PPP1R9A: variants seen among roughly 807,000 people sequenced by gnomAD.
PPP1R9A encodes the protein neurabin-1.
Under a neutral mutation model 141.9 loss-of-function variants are expected in PPP1R9A, and 59 were observed. That is an observed-to-expected ratio of 0.42 (90% CI 0.34 to 0.52). The LOEUF (loss-of-function observed/expected upper bound fraction) is 0.52, where lower values mean the gene tolerates loss of function less well. Ranked by LOEUF, PPP1R9A falls within the 20% of genes least tolerant of loss-of-function variation. PPP1R9A has a pLI of 0.10. For missense variants in PPP1R9A, 1,444 were observed against 1,611.9 expected, an observed-to-expected ratio of 0.90 and a Z score of 1.78; for synonymous variants, 500 against 569.7, an observed-to-expected ratio of 0.88 and a Z score of 1.74.
At chr7:95,243,965 A>C (rs1797788373) in intron 8 of PPP1R9A, among the ~76,000 whole-genome samples, 1 of 152,184 alleles carries the variant, frequency 6.6e-6, no homozygotes. Context: ...TATATAAAAC[A>C]AAAAGGGTTC....
intron 4 of PPP1R9A, among the ~76,000 whole-genome samples, chr7:95,153,569 A>C (rs981482801): frequency 1.3e-5 from 2 of 152,252 alleles, no homozygotes; most frequent in Non-Finnish European, 2.9e-5. Flanking sequence ...TATTTCAGAC[A>C]AAATTTTTAA....
intron 5 of PPP1R9A, among the ~76,000 whole-genome samples, chr7:95,164,931 T>G (rs1563341271): frequency 1.3e-5 from 2 of 152,064 alleles, no homozygotes; most frequent in East Asian, 3.9e-4. Flanking sequence ...CCAAGTATTA[T>G]CCTTTATTTG....
At chr7:95,167,859 C>T (rs1831507782) in intron 5 of PPP1R9A, among the ~76,000 whole-genome samples, 1 of 151,630 alleles carries the variant, frequency 6.6e-6, no homozygotes, top group Non-Finnish European at 1.5e-5. Context: ...GAAAGACCTT[C>T]ACAAGGAAAA....
chr7:95,029,882 A>G (rs1807412966), intron 2 of PPP1R9A, among the ~76,000 whole-genome samples: 2 of 152,334 alleles, frequency 1.3e-5, no homozygotes, highest in South Asian at 4.1e-4. Context: ...ACTTTACTAA[A>G]TGATTGGTAC....
At position 95,198,488 on chromosome 7, in the gene PPP1R9A, A is replaced by C; in HGVS notation, c.1890+4A>C. The C allele has an allele frequency of 6.5e-7, 1 of 1,550,212 alleles. No individual in the cohort carries two copies. Among genetic ancestry groups the C allele is most frequent in the Non-Finnish European group, 8.7e-7 (1 of 1,149,344 alleles). On this transcript the variant is annotated splice_donor_region_variant and intron_variant, in intron 6 of 19. Transcript: ENST00000433360. ...GTATGATGCCGACGATGACGAGGTC[A>C]GTAGTGCTTGCAAAGATTCTTTTTC...
In PPP1R9A at chr7:94,963,443, A is replaced by G. The variant is rs557327968; in HGVS notation, c.1395+51935A>G. Among the ~76,000 whole-genome samples the G allele has an allele frequency of 5.3e-5, 8 of 152,258 alleles. No individual in the cohort carries two copies. In the East Asian group the frequency reaches 1.2e-3, roughly 22 times the overall value. ...GCCACAATCAATTTTAGAAATTTCC[A>G]TCACCCCATCCCTGGCTCACATTAG... On this transcript the variant is annotated intron_variant, in intron 2 of 19. Coordinates refer to ENST00000433360, the MANE Select transcript of PPP1R9A (RefSeq NM_001166160.2).
chr7:95,166,148 CA>C (rs201112181), intron 5 of PPP1R9A, among the ~76,000 whole-genome samples: 59,957 of 104,350 alleles, frequency 0.57, 13,762 homozygotes, highest in African/African-American at 0.64. Flanking sequence ...AACTCCATTT[CA>C]AAAAAAAAAA....
At chr7:95,179,486 C>A (rs1258001309) in intron 5 of PPP1R9A, among the ~76,000 whole-genome samples, 1 of 152,054 alleles carries the variant, frequency 6.6e-6, no homozygotes, top group African/African-American at 2.4e-5. Flanking sequence ...CCCACTCTCA[C>A]CACTCCCCTT....
At chr7:95,053,100 G>A (rs1158918008) in intron 2 of PPP1R9A, among the ~76,000 whole-genome samples, 1 of 152,122 alleles carries the variant, frequency 6.6e-6, no homozygotes, top group African/African-American at 2.4e-5. Flanking sequence ...ATTAATAGTA[G>A]CATTGGTGGG....
chr7:95,253,160 A>T (rs1212727821), intron 12 of PPP1R9A, among the ~76,000 whole-genome samples: 1 of 152,236 alleles, frequency 6.6e-6, no homozygotes, highest in Non-Finnish European at 1.5e-5. Context: ...ATCTTTTTAA[A>T]TATATACATA....
At chr7:95,167,758 TAATG>T (rs1831485290) in intron 5 of PPP1R9A, among the ~76,000 whole-genome samples, 3 of 151,312 alleles carry the variant, frequency 2.0e-5, no homozygotes, top group Non-Finnish European at 4.4e-5. Context: ...TATACAAAAA[TAATG>T]AACTAGCTGA....
Position 95,295,047 on chromosome 7 carries a change from C to T in PPP1R9A, c.*4744C>T, listed in dbSNP as rs1806911551. 6.6e-6 allele frequency: 1 copy of T among 152,610 alleles called. No homozygotes were observed. Among genetic ancestry groups the T allele is most frequent in the African/African-American group, 2.4e-5 (1 of 41,436 alleles). The allele number at this position is 152,610 out of a possible 1,614,324, so 9.5% of individuals were successfully genotyped here. On this transcript the variant is annotated 3_prime_UTR_variant, in exon 20 of 20. Coordinates refer to ENST00000433360, the MANE Select transcript of PPP1R9A (RefSeq NM_001166160.2). ...TATGCAATAAGAGAACAGATAACTT[C>T]TCAACAATGTGCATGCCGTTTGTGT... is the stretch of plus-strand genomic sequence containing the variant.
At chr7:95,004,060 G>A (rs1393655768) in intron 2 of PPP1R9A, among the ~76,000 whole-genome samples, 1 of 152,090 alleles carries the variant, frequency 6.6e-6, no homozygotes, top group African/African-American at 2.4e-5. Flanking sequence ...CTTGTCAGGA[G>A]AGAAGGGAAT....
intron 4 of PPP1R9A, among the ~76,000 whole-genome samples, chr7:95,137,125 T>C (rs1476616854): frequency 1.3e-5 from 2 of 152,012 alleles, no homozygotes; most frequent in Non-Finnish European, 2.9e-5. Flanking sequence ...AGGGTACATG[T>C]GCACAGCATG....
intron 4 of PPP1R9A, among the ~76,000 whole-genome samples, chr7:95,128,730 C>A (rs1313148571): frequency 6.6e-6 from 1 of 152,138 alleles, no homozygotes; most frequent in East Asian, 1.9e-4. Context: ...GCACGTGCCA[C>A]CACGCCTGGC....
chr7:95,208,728 AAAAAATAAATAAAT>A (rs1791400427), intron 7 of PPP1R9A, among the ~76,000 whole-genome samples: 1 of 152,062 alleles, frequency 6.6e-6, no homozygotes, highest in Non-Finnish European at 1.5e-5. Flanking sequence ...TGTCTCAAAA[AAAAAATAAATAAAT>A]AAAAATAAAT....
At chr7:95,131,744 A>G (rs1238697584) in intron 4 of PPP1R9A, among the ~76,000 whole-genome samples, 1 of 151,370 alleles carries the variant, frequency 6.6e-6, no homozygotes, top group African/African-American at 2.4e-5. Context: ...TGGTAGTTTG[A>G]TAGGACTAGT....
intron 5 of PPP1R9A, among the ~76,000 whole-genome samples, chr7:95,191,027 T>C (rs902430726): frequency 6.6e-6 from 1 of 152,258 alleles, no homozygotes; most frequent in East Asian, 1.9e-4. Context: ...ATTCATAAAT[T>C]ATCATTTTTA....
At chr7:94,934,561 T>C (rs955878505) in intron 2 of PPP1R9A, among the ~76,000 whole-genome samples, 16 of 151,764 alleles carry the variant, frequency 1.1e-4, no homozygotes, top group Admixed American at 9.2e-4. Context: ...GTTAAGAAAA[T>C]ATGTCAAAAC....
Sources: gnomAD v4.1 joint callset for allele counts (sites outside exome capture counted in the v4.1 genomes callset) on GRCh38, gnomAD v4.1.1 for gene constraint, MANE v1.5 for transcripts, NCBI Gene and HGNC (gene_info 2026-07-23, HGNC 2026-07-21) for gene names.